The following PLCE1 variants were observed in gnomAD, a reference collection of about 807,000 sequenced individuals.
PLCE1 encodes 1-phosphatidylinositol 4,5-bisphosphate phosphodiesterase epsilon-1.
Under a neutral mutation model 242.8 loss-of-function variants are expected in PLCE1, and 119 were observed. The ratio of observed to expected loss-of-function variants is 0.49; its 90% confidence interval spans 0.42 to 0.57. The LOEUF (loss-of-function observed/expected upper bound fraction) is 0.57, where lower values mean the gene tolerates loss of function less well. Ranked by LOEUF, PLCE1 falls within the 20% of genes least tolerant of loss-of-function variation. PLCE1 has a pLI of 0.00. For synonymous variants in PLCE1, 945 were observed against 1,017.4 expected, an observed-to-expected ratio of 0.93 and a Z score of 1.35; for missense variants, 2,441 against 2,788.8, an observed-to-expected ratio of 0.88 and a Z score of 2.81.
chr10:94,169,840 GGGACATGCCTGT>G (rs1305802276), intron 3 of PLCE1, among the ~76,000 whole-genome samples: 1 of 152,182 alleles, frequency 6.6e-6, no homozygotes, highest in Non-Finnish European at 1.5e-5. Context: ...ACTGGGGATT[GGGACATGCCTGT>G]GATGGAAAGT....
rs1480311603 is a variant in PLCE1 at position 94,269,030 on chromosome 10, C to T, written c.4383C>T (p.Pro1461=). 1 of 1,547,586 alleles carries T rather than the reference C, an allele frequency of 6.5e-7. No homozygotes were observed. The highest frequency in any genetic ancestry group is 8.9e-7 in the Non-Finnish European group (1 of 1,119,946). The change falls in exon 17 of 33, where the codon CCC becomes CCT. Residue 1461 remains proline (P), a synonymous_variant. Coordinates refer to ENST00000371380, the MANE Select transcript of PLCE1 (RefSeq NM_016341.4). ...YHGHTLTTKI[P]FKEVVEAIDR... is the part of the protein sequence containing the mutation. ...GACATACGCTGACAACCAAGATCCC[C>T]TTCAAGGTAATCCTTCATAACTTTC...
chr10:94,057,190 A>G (rs1240471258), intron 2 of PLCE1, among the ~76,000 whole-genome samples: 1 of 152,116 alleles, frequency 6.6e-6, no homozygotes. Flanking sequence ...ATGCTGGGTC[A>G]TTTGGTAATT....
intron 4 of PLCE1, among the ~76,000 whole-genome samples, chr10:94,172,280 A>G (rs1411926013): frequency 6.6e-6 from 1 of 152,078 alleles, no homozygotes; most frequent in Non-Finnish European, 1.5e-5. Context: ...CTTAAAAGGC[A>G]CTTTCTCTTA....
chr10:94,288,543 A>G (rs2052540339), intron 22 of PLCE1, among the ~76,000 whole-genome samples: 4 of 152,108 alleles, frequency 2.6e-5, no homozygotes, highest in Admixed American at 2.6e-4. Context: ...TCTACCAGGG[A>G]TTTACATTTG....
intron 4 of PLCE1, among the ~76,000 whole-genome samples, chr10:94,183,127 G>A (rs1377022813): frequency 6.6e-6 from 1 of 152,124 alleles, no homozygotes; most frequent in African/African-American, 2.4e-5. Context: ...GACCCTATTA[G>A]GATGTTTAAT....
chr10:94,145,080 T>G (rs1052773265), intron 3 of PLCE1, among the ~76,000 whole-genome samples: 14 of 152,326 alleles, frequency 9.2e-5, no homozygotes, highest in African/African-American at 3.4e-4. Context: ...CAAAATAAAG[T>G]AGGGATGCCC....
intron 2 of PLCE1, among the ~76,000 whole-genome samples, chr10:94,057,539 G>A (rs902251068): frequency 1.3e-5 from 2 of 152,090 alleles, no homozygotes; most frequent in African/African-American, 2.4e-5. Flanking sequence ...GGGCCAAAGG[G>A]TATAGACATA....
intron 2 of PLCE1, chr10:94,089,337 A>T: frequency 6.2e-7 from 1 of 1,613,398 alleles, no homozygotes; most frequent in Non-Finnish European, 8.5e-7. Flanking sequence ...TTACCTTGTT[A>T]AAGGATGGAT....
At chr10:94,016,119 TC>T (rs2061275753) in intron 1 of PLCE1, among the ~76,000 whole-genome samples, 1 of 152,134 alleles carries the variant, frequency 6.6e-6, no homozygotes, top group African/African-American at 2.4e-5. Flanking sequence ...AGTATGATTT[TC>T]CATGATCGCC....
Position 94,132,463 on chromosome 10 carries a change from A to G in PLCE1, c.1492+4A>G, listed in dbSNP as rs1331302088. The G allele has an allele frequency of 6.2e-7, 1 of 1,613,312 alleles. No individual in the cohort carries two copies. Among genetic ancestry groups the G allele is most frequent in the East Asian group, 2.2e-5 (1 of 44,894 alleles). On this transcript the variant is annotated splice_donor_region_variant and intron_variant, in intron 3 of 32. Transcript: ENST00000371380. ...ACTGGACGAATGATGCTGAAAGGTA[A>G]TGCCTGAAATTTCACTTTTAACTTT...
At chr10:94,116,798 G>T (rs1468836628) in intron 2 of PLCE1, among the ~76,000 whole-genome samples, 1 of 152,220 alleles carries the variant, frequency 6.6e-6, no homozygotes, top group Non-Finnish European at 1.5e-5. Context: ...TACCCAGCCA[G>T]TAATGGCCAT....
intron 5 of PLCE1, among the ~76,000 whole-genome samples, chr10:94,232,391 G>C (rs375770468): frequency 6.6e-6 from 1 of 152,278 alleles, no homozygotes; most frequent in African/African-American, 2.4e-5. Context: ...GAGGAAGATA[G>C]AGTTTATCTT....
At chr10:94,120,503 G>A (rs890626805) in intron 2 of PLCE1, among the ~76,000 whole-genome samples, 12 of 152,300 alleles carry the variant, frequency 7.9e-5, no homozygotes, top group Admixed American at 7.8e-4. Flanking sequence ...GGAGAGGAAT[G>A]TCCCTAGCTC....
At chr10:94,290,641 G>A (rs961535902) in intron 22 of PLCE1, among the ~76,000 whole-genome samples, 1 of 150,886 alleles carries the variant, frequency 6.6e-6, no homozygotes. Flanking sequence ...CTTCCTGAAG[G>A]ACCTGCCTGA....
intron 3 of PLCE1, chr10:94,139,081 GA>G (rs2046876278): frequency 6.6e-6 from 1 of 152,534 alleles, no homozygotes; most frequent in Non-Finnish European, 1.5e-5. Flanking sequence ...TCAGGAGTTC[GA>G]GGCCAACCTG....
chr10:94,070,438 G>T (rs1341119888), intron 2 of PLCE1, among the ~76,000 whole-genome samples: 1 of 151,990 alleles, frequency 6.6e-6, no homozygotes, highest in African/African-American at 2.4e-5. Context: ...TCTGCTAATG[G>T]CTCCATCCTA....
intron 4 of PLCE1, among the ~76,000 whole-genome samples, chr10:94,180,755 A>G (rs1241097892): frequency 6.6e-6 from 1 of 152,168 alleles, no homozygotes; most frequent in African/African-American, 2.4e-5. Context: ...CTCCATCGTC[A>G]ATGGGATTAA....
chr10:94,085,647 C>T (rs2044793601), intron 2 of PLCE1, among the ~76,000 whole-genome samples: 1 of 152,140 alleles, frequency 6.6e-6, no homozygotes, highest in Non-Finnish European at 1.5e-5. Context: ...CCAGGGCTGG[C>T]ACTAAAGGGG....
chr10:94,324,386 G>A lies in PLCE1; in HGVS notation c.6539G>A (p.Ser2180Asn), dbSNP rs1202047514. The change falls in exon 31 of 33, where the codon AGC becomes AAC. Residue 2180 changes from serine to asparagine, a missense_variant. This residue lies in a region of PLCE1 where 310 missense variants were observed against 317.2 expected (regional missense o/e 0.98). Coordinates refer to ENST00000371380, the MANE Select transcript of PLCE1 (RefSeq NM_016341.4). ...CKAKYSYSIL[S>N]NPNPSDYVLL... is the part of the protein sequence containing the mutation. ...GCCAAATATTCCTACAGCATCCTGA[G>A]CAACCCCAATCCAAGCGACTATGTG... 5.6e-6 allele frequency: 9 copies of A among 1,614,034 alleles called. No homozygotes were observed. Among genetic ancestry groups the A allele is most frequent in the Non-Finnish European group, 7.6e-6 (9 of 1,180,030 alleles).
Sources: allele counts gnomAD v4.1 joint callset (sites outside exome capture counted in the v4.1 genomes callset), GRCh38; gene constraint gnomAD v4.1.1; regional missense constraint gnomAD v4.1.1; transcripts MANE v1.5; gene names NCBI Gene and HGNC (gene_info 2026-07-23, HGNC 2026-07-21).